Variants in ERCC6L2 observed in about 807,000 individuals in gnomAD.
ERCC6L2 encodes the protein ERCC excision repair 6 like 2.
A neutral mutation model predicts 132.0 loss-of-function variants in ERCC6L2; 77 were observed. The ratio of observed to expected loss-of-function variants is 0.58; its 90% CI spans 0.49 to 0.71. The LOEUF is 0.71. Ranked by LOEUF, ERCC6L2 falls within the 30% of genes least tolerant of loss-of-function variation. ERCC6L2 has a pLI of 0.00. For missense variants in ERCC6L2, 1,542 were observed against 1,837.6 expected (o/e 0.84, Z 2.94); for synonymous variants, 583 against 632.4 (o/e 0.92, Z 1.17).
intron 19 of ERCC6L2, among the ~76,000 whole-genome samples, chr9:96,031,692 T>G (rs1834462201): frequency 3.3e-5 from 5 of 152,222 alleles, no homozygotes. Context: ...ACATACTGTT[T>G]GCAAATAAAG....
chr9:95,983,622 T>C (rs1397228812), intron 17 of ERCC6L2, among the ~76,000 whole-genome samples: 2 of 152,222 alleles, frequency 1.3e-5, no homozygotes, highest in Admixed American at 1.3e-4. Flanking sequence ...ATAGTATCAA[T>C]TGGACATGGC....
intron 4 of ERCC6L2, among the ~76,000 whole-genome samples, chr9:95,913,713 T>C (rs1228407096): frequency 2.0e-5 from 3 of 152,224 alleles, no homozygotes; most frequent in Non-Finnish European, 4.4e-5. Context: ...TCTCTTTCTA[T>C]AGATTTGCCT....
At chr9:95,962,802 A>T (rs1415229136) in intron 13 of ERCC6L2, among the ~76,000 whole-genome samples, 2 of 152,074 alleles carry the variant, frequency 1.3e-5, no homozygotes, top group Admixed American at 1.3e-4. Flanking sequence ...TAAGTCCAAA[A>T]CTCACTTTAG....
chr9:96,005,237 T>C (rs1424421367), intron 18 of ERCC6L2, among the ~76,000 whole-genome samples: 2 of 151,570 alleles, frequency 1.3e-5, no homozygotes, highest in Non-Finnish European at 2.9e-5. Context: ...GGAGTGAACC[T>C]GGGAGGCGGA....
intron 11 of ERCC6L2, among the ~76,000 whole-genome samples, chr9:95,934,752 T>C (rs1830483696): frequency 6.6e-6 from 1 of 152,178 alleles, no homozygotes; most frequent in African/African-American, 2.4e-5. Flanking sequence ...TGGGGTACCA[T>C]ACTGCAAAAG....
At chr9:95,922,992 CT>C (rs1267210896) in intron 8 of ERCC6L2, among the ~76,000 whole-genome samples, 1 of 152,060 alleles carries the variant, frequency 6.6e-6, no homozygotes, top group Non-Finnish European at 1.5e-5. Context: ...ACTCTTTACT[CT>C]TTGGGAGTAT....
At chr9:96,040,090 G>A (rs1004365423) in intron 20 of ERCC6L2, among the ~76,000 whole-genome samples, 4 of 151,564 alleles carry the variant, frequency 2.6e-5, no homozygotes, top group Non-Finnish European at 4.4e-5. Context: ...ATCTAGAGGA[G>A]AAACAGAGAG....
chr9:95,945,576 A>C (rs536104422), intron 12 of ERCC6L2, among the ~76,000 whole-genome samples: 1 of 152,226 alleles, frequency 6.6e-6, no homozygotes, highest in African/African-American at 2.4e-5. Flanking sequence ...TTCACAATTT[A>C]TGTTCAGAGA....
intron 17 of ERCC6L2, among the ~76,000 whole-genome samples, chr9:95,993,591 CT>C (rs1259003930): frequency 6.6e-6 from 1 of 152,130 alleles, no homozygotes; most frequent in Non-Finnish European, 1.5e-5. Context: ...TGAGTCACCC[CT>C]ATAAGTGATG....
intron 17 of ERCC6L2, among the ~76,000 whole-genome samples, chr9:95,996,856 G>A (rs1833488538): frequency 6.6e-6 from 1 of 152,228 alleles, no homozygotes; most frequent in Non-Finnish European, 1.5e-5. Context: ...ACAAGGAAAT[G>A]AATGTTGTTT....
intron 9 of ERCC6L2, 89 bp downstream of exon 9, chr9:95,923,468 G>C: frequency 1.4e-6 from 2 of 1,446,078 alleles, no homozygotes; most frequent in South Asian, 1.3e-5. Flanking sequence ...AATCAGAACA[G>C]GTGCTCAGTC....
chr9:95,948,052 A>G (rs973100408), intron 12 of ERCC6L2, among the ~76,000 whole-genome samples: 2 of 152,192 alleles, frequency 1.3e-5, no homozygotes, highest in African/African-American at 2.4e-5. Context: ...CTTATTATTT[A>G]AGAAACACAT....
At chr9:95,997,976 C>T (rs73656595) in intron 17 of ERCC6L2, among the ~76,000 whole-genome samples, 5,292 of 152,254 alleles carry the variant, frequency 0.035, 304 homozygotes, top group African/African-American at 0.12. Context: ...ACTTTTCTAA[C>T]GAGCACCAAA....
Position 95,875,832 on chromosome 9 carries a change from C to G in ERCC6L2, c.-207C>G, listed in dbSNP as rs1210477294. 5.1e-6 allele frequency: 3 copies of G among 585,020 alleles called. No individual in the cohort carries two copies. Among genetic ancestry groups the G allele is most frequent in the Non-Finnish European group, 9.2e-6 (3 of 326,442 alleles). The allele number at this position is 585,020 out of a possible 1,614,324, so 36.2% of individuals were successfully genotyped here. On this transcript the variant is annotated 5_prime_UTR_variant, in exon 1 of 19. Transcript: ENST00000653738. ...CTCTGCCGCCGCTCCGGACGTCGCC[C>G]TCCCGTTCTGCTTGGGTCCCCTTAG...
chr9:95,983,846 G>T (rs1171334998), intron 17 of ERCC6L2, among the ~76,000 whole-genome samples: 1 of 152,140 alleles, frequency 6.6e-6, no homozygotes, highest in Non-Finnish European at 1.5e-5. Flanking sequence ...AGGCCCCAGG[G>T]CTCAACAATG....
chr9:95,885,849 CTG>C (rs1827837014), intron 2 of ERCC6L2, among the ~76,000 whole-genome samples: 1 of 152,122 alleles, frequency 6.6e-6, no homozygotes, highest in Non-Finnish European at 1.5e-5. Flanking sequence ...GGATGGCAAT[CTG>C]TGTTTTAACA....
intron 18 of ERCC6L2, among the ~76,000 whole-genome samples, chr9:96,008,884 A>G (rs776084487): frequency 1.3e-5 from 2 of 152,210 alleles, no homozygotes; most frequent in Non-Finnish European, 2.9e-5. Flanking sequence ...TCTTTTGTTT[A>G]TCTGCTGCAT....
intron 6 of ERCC6L2, among the ~76,000 whole-genome samples, chr9:95,920,600 A>G (rs1232916829): frequency 1.3e-5 from 2 of 152,158 alleles, no homozygotes; most frequent in African/African-American, 4.8e-5. Context: ...CTGTGTAAGG[A>G]ACATCATTTG....
At chr9:95,915,211 G>C (rs1203850162) in intron 4 of ERCC6L2, among the ~76,000 whole-genome samples, 1 of 152,086 alleles carries the variant, frequency 6.6e-6, no homozygotes, top group African/African-American at 2.4e-5. Flanking sequence ...ACCACTATGG[G>C]TGCTCATTGC....
Sources: allele counts gnomAD v4.1 joint callset (sites outside exome capture counted in the v4.1 genomes callset), GRCh38; gene constraint gnomAD v4.1.1; transcripts MANE v1.5; gene names NCBI Gene and HGNC (gene_info 2026-07-23, HGNC 2026-07-21).